The following ADAMTSL1 variants were observed in gnomAD, a reference collection of about 807,000 sequenced individuals.
The protein encoded by ADAMTSL1 is ADAMTS like 1, also known as ADAMTS-like protein 1.
Under a neutral mutation model 201.8 loss-of-function variants are expected in ADAMTSL1, and 126 were observed. That is an observed-to-expected ratio of 0.62 (90% CI 0.54 to 0.72). ADAMTSL1 has a LOEUF of 0.72. ADAMTSL1 is among the 30% of genes least tolerant of loss of function. ADAMTSL1 has a pLI of 0.00. For synonymous variants in ADAMTSL1, 1,121 were observed against 903.4 expected, an observed-to-expected ratio of 1.24 and a Z score of -4.32; for missense variants, 2,679 against 2,277.8, an observed-to-expected ratio of 1.18 and a Z score of -3.59.
intron 7 of ADAMTSL1, among the ~76,000 whole-genome samples, chr9:18,641,935 A>G (rs986761253): frequency 1.3e-5 from 2 of 152,032 alleles, no homozygotes; most frequent in African/African-American, 4.8e-5. Flanking sequence ...AATTCTCTTT[A>G]TAGATTTAAA....
intron 15 of ADAMTSL1, among the ~76,000 whole-genome samples, 190 bp downstream of exon 15, chr9:18,721,855 T>C (rs1281036051): frequency 1.3e-5 from 2 of 152,234 alleles, no homozygotes; most frequent in Non-Finnish European, 2.9e-5. Context: ...GCCCAGTCAA[T>C]GGTCATGCCA....
At chr9:18,904,184 T>A (rs1830160323) in intron 26 of ADAMTSL1, among the ~76,000 whole-genome samples, 1 of 152,100 alleles carries the variant, frequency 6.6e-6, no homozygotes, top group African/African-American at 2.4e-5. Context: ...AAAGTTATTT[T>A]TTGGCCAGGC....
In ADAMTSL1 at chr9:18,681,986, G is replaced by A. The variant is rs1397720512; in HGVS notation, c.1489+27G>A. 3 of 1,612,228 alleles carry A rather than the reference G, an allele frequency of 1.9e-6. No individual in the cohort carries two copies. In the African/African-American group the frequency reaches 4.0e-5, roughly 22 times the overall value. On this transcript the variant is annotated intron_variant, in intron 12 of 28. Coordinates refer to ENST00000380548, the MANE Select transcript of ADAMTSL1 (RefSeq NM_001040272.6). ...TAACTTGACAGGTGCTCTATTACCA[G>A]CCTGTTAATTGTTGTGTGTAGTCAG...
intron 2 of ADAMTSL1, among the ~76,000 whole-genome samples, chr9:18,387,378 C>T (rs1179832063): frequency 6.6e-6 from 1 of 151,632 alleles, no homozygotes; most frequent in African/African-American, 2.4e-5. Context: ...ATTTCATCCC[C>T]TTCCTTCCTC....
At position 18,286,735 on chromosome 9, in the gene ADAMTSL1, A is replaced by G. The variant is rs1371730702; in HGVS notation, c.207+122754A>G. Among the ~76,000 whole-genome samples, 2 of 54,638 alleles carry G rather than the reference A, an allele frequency of 3.7e-5. 1 individual carries two copies. The highest frequency in any genetic ancestry group is 1.0e-4 in the Non-Finnish European group (2 of 19,804). The allele number at this position is 54,638 out of a possible 152,430, so 35.8% of individuals were successfully genotyped here. A position where few individuals can be genotyped will look rare whatever the true frequency, so the allele number is the denominator to read the frequency against. ...CCATTCCTATAAGAGAATTTTCCAT[A>G]GAAGAGAACACATTTCTTTTTAGTC... On this transcript the variant is annotated intron_variant, in intron 2 of 29. Transcript: ENST00000680146.
intron 1 of ADAMTSL1, among the ~76,000 whole-genome samples, chr9:18,080,101 T>C (rs1304564147): frequency 6.6e-6 from 1 of 152,078 alleles, no homozygotes; most frequent in Non-Finnish European, 1.5e-5. Context: ...GAAGAGGTAA[T>C]GGGAGGTCAA....
At chr9:18,089,719 A>G (rs1187837589) in intron 1 of ADAMTSL1, among the ~76,000 whole-genome samples, 1 of 152,228 alleles carries the variant, frequency 6.6e-6, no homozygotes, top group African/African-American at 2.4e-5. Context: ...AACTCATAGA[A>G]GCAGAGAGTA....
intron 16 of ADAMTSL1, among the ~76,000 whole-genome samples, chr9:18,769,456 A>T (rs1820556966): frequency 6.6e-6 from 1 of 152,240 alleles, no homozygotes. Context: ...AGCTAGGGTT[A>T]TGTCAGACTG....
At chr9:17,931,066 G>T (rs1826762767) in intron 1 of ADAMTSL1, among the ~76,000 whole-genome samples, 1 of 152,110 alleles carries the variant, frequency 6.6e-6, no homozygotes, top group South Asian at 2.1e-4. Flanking sequence ...ATCTCATGGG[G>T]CTATTAATCA....
At chr9:18,432,810 G>A (rs1017465134) in intron 2 of ADAMTSL1, among the ~76,000 whole-genome samples, 4 of 152,140 alleles carry the variant, frequency 2.6e-5, no homozygotes, top group African/African-American at 9.7e-5. Flanking sequence ...GTAGTACGAT[G>A]GTTCTTCTAT....
chr9:18,528,689 A>G (rs1819250631), intron 2 of ADAMTSL1, among the ~76,000 whole-genome samples: 2 of 152,194 alleles, frequency 1.3e-5, no homozygotes, highest in South Asian at 2.1e-4. Flanking sequence ...TTACATTTTT[A>G]TATTAAAATA....
At chr9:18,433,739 A>T (rs770013094) in intron 2 of ADAMTSL1, among the ~76,000 whole-genome samples, 8 of 152,206 alleles carry the variant, frequency 5.3e-5, no homozygotes, top group Non-Finnish European at 1.0e-4. Context: ...GCTGCAATCT[A>T]AACTACACAC....
chr9:18,193,381 G>T (rs1829048244), intron 2 of ADAMTSL1, among the ~76,000 whole-genome samples: 1 of 152,108 alleles, frequency 6.6e-6, no homozygotes, highest in Non-Finnish European at 1.5e-5. Context: ...TGCAGGGGAA[G>T]AGGAGGAATC....
At chr9:18,255,180 C>A (rs1205702763) in intron 2 of ADAMTSL1, among the ~76,000 whole-genome samples, 2 of 152,040 alleles carry the variant, frequency 1.3e-5, no homozygotes, top group African/African-American at 2.4e-5. Flanking sequence ...AGTGTCCTGG[C>A]TGTCAAGGGA....
At chr9:18,789,423 A>T (rs1821897103) in intron 19 of ADAMTSL1, among the ~76,000 whole-genome samples, 1 of 152,182 alleles carries the variant, frequency 6.6e-6, no homozygotes, top group Admixed American at 6.5e-5. Context: ...CGGGGATTTG[A>T]TCCCATCATT....
intron 3 of ADAMTSL1, among the ~76,000 whole-genome samples, chr9:18,569,816 A>C (rs1822180243): frequency 6.6e-6 from 1 of 152,204 alleles, no homozygotes; most frequent in Non-Finnish European, 1.5e-5. Flanking sequence ...TTTATTCTTT[A>C]TTTTAAATAT....
At chr9:18,140,122 A>T (rs1445968200) in intron 1 of ADAMTSL1, among the ~76,000 whole-genome samples, 2 of 152,220 alleles carry the variant, frequency 1.3e-5, no homozygotes, top group African/African-American at 4.8e-5. Flanking sequence ...AAAGCTAAGC[A>T]AACCCTAGCC....
chr9:18,013,523 G>T (rs1300358540), intron 1 of ADAMTSL1, among the ~76,000 whole-genome samples: 1 of 151,942 alleles, frequency 6.6e-6, no homozygotes, highest in East Asian at 1.9e-4. Context: ...ATGGTAAATA[G>T]CCAATTCAAA....
intron 1 of ADAMTSL1, among the ~76,000 whole-genome samples, chr9:18,067,920 G>C (rs983885762): frequency 1.3e-5 from 2 of 152,188 alleles, no homozygotes; most frequent in African/African-American, 4.8e-5. Flanking sequence ...AAACAGGAGG[G>C]GGTGGGCTGA....
Sources: gnomAD v4.1 joint callset for allele counts (sites outside exome capture counted in the v4.1 genomes callset) on GRCh38, gnomAD v4.1.1 for gene constraint, MANE v1.5 for transcripts, NCBI Gene and HGNC (gene_info 2026-07-23, HGNC 2026-07-21) for gene names.